The following MAD1L1 variants were observed in gnomAD, a reference collection of about 807,000 sequenced individuals.
The protein encoded by MAD1L1 is mitotic arrest deficient 1 like 1, also known as mitotic spindle assembly checkpoint protein MAD1.
MAD1L1 carries 95 observed loss-of-function variants against 96.9 expected under a neutral mutation model. That is an observed-to-expected ratio of 0.98 (90% CI 0.83 to 1.16). The LOEUF (loss-of-function observed/expected upper bound fraction) is 1.16. Among genes scored for constraint, MAD1L1 ranks in the 50% most tolerant of loss-of-function variants. The pLI is 0.00. For synonymous variants in MAD1L1, 473 were observed against 396.6 expected (o/e 1.19, Z -2.29); for missense variants, 1,007 against 954.4 (o/e 1.06, Z -0.73).
At chr7:2,004,996 G>A (rs532736704) in intron 13 of MAD1L1, among the ~76,000 whole-genome samples, 10 of 152,296 alleles carry the variant, frequency 6.6e-5, no homozygotes, top group South Asian at 2.1e-4. Flanking sequence ...ACTCAGACTC[G>A]CGCACTGGTC....
At chr7:2,194,795 T>C (rs1013559682) in intron 10 of MAD1L1, among the ~76,000 whole-genome samples, 1 of 152,140 alleles carries the variant, frequency 6.6e-6, no homozygotes, top group Non-Finnish European at 1.5e-5. Context: ...GTCTTTGGGC[T>C]GGACGCAGTG....
intron 18 of MAD1L1, among the ~76,000 whole-genome samples, chr7:1,888,564 G>A (rs1350130342): frequency 1.3e-5 from 2 of 151,860 alleles, no homozygotes; most frequent in African/African-American, 2.4e-5. Context: ...ATGCATGCAT[G>A]TGGCTGTACA....
chr7:1,901,548 C>A (rs1371857623), intron 17 of MAD1L1, among the ~76,000 whole-genome samples: 1 of 152,212 alleles, frequency 6.6e-6, no homozygotes, highest in African/African-American at 2.4e-5. Context: ...TGGGCTGAGG[C>A]GAGACAGTGG....
At chr7:2,098,957 G>C (rs1227307122) in intron 11 of MAD1L1, among the ~76,000 whole-genome samples, 1 of 152,212 alleles carries the variant, frequency 6.6e-6, no homozygotes. Flanking sequence ...GGGCAGGTGG[G>C]AATTCTTATA....
At chr7:1,994,121 G>T (rs137920951) in intron 14 of MAD1L1, among the ~76,000 whole-genome samples, 2,000 of 152,336 alleles carry the variant, frequency 0.013, 34 homozygotes, top group African/African-American at 0.045. Context: ...CCAGCTTGTG[G>T]GTTTGCTGCC....
At chr7:2,049,649 C>A (rs941106005) in intron 12 of MAD1L1, among the ~76,000 whole-genome samples, 3 of 152,226 alleles carry the variant, frequency 2.0e-5, no homozygotes, top group African/African-American at 7.2e-5. Flanking sequence ...TGCTGGAGGG[C>A]AGGAGCCACC....
chr7:1,998,914 C>CCA (rs747601248), intron 14 of MAD1L1, among the ~76,000 whole-genome samples: 1 of 149,734 alleles, frequency 6.7e-6, no homozygotes, highest in Non-Finnish European at 1.5e-5. Context: ...ACACCAGACC[C>CCA]CACAGTCCAC....
chr7:1,866,999 C>T (rs1248463823), intron 18 of MAD1L1, among the ~76,000 whole-genome samples: 1 of 152,204 alleles, frequency 6.6e-6, no homozygotes, highest in African/African-American at 2.4e-5. Context: ...GCAGCACTCA[C>T]TACAGGGCCC....
chr7:2,044,195 A>T lies in MAD1L1; in HGVS notation c.1218+24999T>A, dbSNP rs183760827. Among the ~76,000 whole-genome samples the T allele has an allele frequency of 2.0e-3, 310 of 152,378 alleles. 5 individuals carry two copies. The highest frequency in any genetic ancestry group is 0.013 in the Admixed American group (206 of 15,310). ...GGCAGCTACTACAGGTCCTGATCCAAGGGTCACTCTTGCTCATTCCTCCCA... is the reference window on the plus strand; with the variant it reads ...GGCAGCTACTACAGGTCCTGATCCATGGGTCACTCTTGCTCATTCCTCCCA... On this transcript the variant is annotated intron_variant, in intron 12 of 18. Coordinates refer to ENST00000265854, the MANE Select transcript of MAD1L1 (RefSeq NM_001013836.2).
At chr7:1,916,279 C>G (rs2064126076) in intron 17 of MAD1L1, among the ~76,000 whole-genome samples, 1 of 152,188 alleles carries the variant, frequency 6.6e-6, no homozygotes. Flanking sequence ...GGAACGAAAA[C>G]TGTATCCACA....
chr7:2,215,255 G>A (rs1353850015), intron 9 of MAD1L1, among the ~76,000 whole-genome samples: 1 of 151,900 alleles, frequency 6.6e-6, no homozygotes, highest in African/African-American at 2.4e-5. Flanking sequence ...GCGCACGCCT[G>A]TAGTCCCAGC....
chr7:2,165,148 G>C (rs1335001982), intron 10 of MAD1L1, among the ~76,000 whole-genome samples: 2 of 151,580 alleles, frequency 1.3e-5, no homozygotes, highest in Non-Finnish European at 2.9e-5. Flanking sequence ...AGGTTGCAGT[G>C]AGCCGAGATC....
At chr7:1,979,956 G>A (rs1780817778) in intron 15 of MAD1L1, among the ~76,000 whole-genome samples, 1 of 152,212 alleles carries the variant, frequency 6.6e-6, no homozygotes, top group Admixed American at 6.5e-5. Flanking sequence ...CTGAAGAAAG[G>A]GCCACACCAG....
intron 18 of MAD1L1, among the ~76,000 whole-genome samples, chr7:1,822,275 C>T (rs1019946274): frequency 6.6e-5 from 10 of 151,716 alleles, no homozygotes; most frequent in Admixed American, 3.3e-4. Context: ...TGTCTGTTTG[C>T]AGAAAGTTAG....
At chr7:1,847,425 G>A in intron 18 of MAD1L1, 3 of 470,772 alleles carry the variant, frequency 6.4e-6, no homozygotes, top group South Asian at 4.6e-5. Flanking sequence ...TATCTACCAG[G>A]AGACAGTGGA....
chr7:2,013,236 G>T (rs1371001206), intron 13 of MAD1L1, among the ~76,000 whole-genome samples: 1 of 152,236 alleles, frequency 6.6e-6, no homozygotes, highest in African/African-American at 2.4e-5. Context: ...TCATCTTCCA[G>T]CTGGTCACTG....
chr7:1,940,233 CAGGGGAGAGGG>C (rs1778885138), intron 16 of MAD1L1: 1 of 152,248 alleles, frequency 6.6e-6, no homozygotes, highest in African/African-American at 2.4e-5. Context: ...CACTCAGGCC[CAGGGGAGAGGG>C]AGGCGGCAGC....
At chr7:1,883,587 G>C (rs1001454296) in intron 18 of MAD1L1, among the ~76,000 whole-genome samples, 3 of 152,170 alleles carry the variant, frequency 2.0e-5, no homozygotes, top group African/African-American at 7.2e-5. Context: ...ACAACTCCCT[G>C]ACCTCTCATG....
In MAD1L1 at chr7:1,873,907, G is replaced by A. The variant is rs547507492; in HGVS notation, c.1998+24293C>T. On this transcript the variant is annotated intron_variant, in intron 18 of 18. Coordinates refer to ENST00000265854, the MANE Select transcript of MAD1L1 (RefSeq NM_001013836.2). ...GAATGGATGCTGAGCCCATCAAGTCGGCACCAGGGAGGAAGCGTGGAGCAC... is the reference window on the plus strand; with the variant it reads ...GAATGGATGCTGAGCCCATCAAGTCAGCACCAGGGAGGAAGCGTGGAGCAC... 1.0e-3 allele frequency among the ~76,000 whole-genome samples: 156 copies of A among 152,294 alleles called. 1 individual carries two copies. The highest frequency in any genetic ancestry group is 3.7e-3 in the African/African-American group (152 of 41,566).
Sources: gnomAD v4.1 joint callset for allele counts (sites outside exome capture counted in the v4.1 genomes callset) on GRCh38, gnomAD v4.1.1 for gene constraint, MANE v1.5 for transcripts, NCBI Gene and HGNC (gene_info 2026-07-23, HGNC 2026-07-21) for gene names.